The following SIMC1 variants were observed in gnomAD, a reference collection of about 807,000 sequenced individuals.
SIMC1 encodes SUMO interacting motifs containing 1.
Under a neutral mutation model 82.3 loss-of-function variants are expected in SIMC1, and 55 were observed. The ratio of observed to expected loss-of-function variants is 0.67; its 90% CI spans 0.54 to 0.84. The LOEUF is 0.84. Among genes scored for constraint, SIMC1 ranks in the 40% least tolerant of loss-of-function variants. The pLI, the probability that SIMC1 is intolerant of heterozygous loss-of-function variation, is 0.00. For synonymous variants in SIMC1, 353 were observed against 426.3 expected (o/e 0.83, Z 2.12); for missense variants, 915 against 1,107.2 (o/e 0.83, Z 2.46).
chr5:176,296,304 A>G lies in SIMC1; in HGVS notation c.1718A>G (p.Tyr573Cys), dbSNP rs1465447896. The G allele has an allele frequency of 2.5e-6, 4 of 1,613,442 alleles. No homozygotes were observed. Among genetic ancestry groups the G allele is most frequent in the Non-Finnish European group, 2.5e-6 (3 of 1,179,486 alleles). ...GAGTGGGACTGGAAACTGCTCACCT[A>G]TGTCATGGAGGAAGAGGTAACAACA... ...TVEWDWKLLT[Y>C]VMEEEGQTLP... is the part of the protein sequence containing the mutation. Residue 573 changes from tyrosine (Y) to cysteine (C), a missense_variant, in exon 4 of 10, where the codon TAT (tyrosine) becomes TGT (cysteine). By Grantham distance (194) the Tyr-to-Cys change is radical. Coordinates refer to ENST00000429602, the MANE Select transcript of SIMC1 (RefSeq NM_001308195.2).
At chr5:176,322,192 T>C in intron 5 of SIMC1, 81 bp from the exon 6 acceptor site, 2 of 1,458,126 alleles carry the variant, frequency 1.4e-6, no homozygotes, top group Non-Finnish European at 1.8e-6. Flanking sequence ...ACAACAGACA[T>C]GGAAACCTTT....
At chr5:176,296,359 G>A (rs1342250436) in intron 4 of SIMC1, 39 bp downstream of exon 4, 7 of 1,612,632 alleles carry the variant, frequency 4.3e-6, no homozygotes, top group Non-Finnish European at 5.1e-6. Context: ...TGTAGGGGAA[G>A]TTTTAACTAT....
At chr5:176,338,463 G>A (rs1765996685) in intron 9 of SIMC1, among the ~76,000 whole-genome samples, 1 of 152,114 alleles carries the variant, frequency 6.6e-6, no homozygotes, top group South Asian at 2.1e-4. Context: ...AGCAGGGCAA[G>A]GCTGTAGTAC....
Position 176,308,047 on chromosome 5 carries a change from A to G in SIMC1, c.1735-5644A>G, listed in dbSNP as rs181077632. ...GAAATACTATTTAGTAATTAAAAGC[A>G]ATGAGCTGGGCCAAGATGGCAGTGC... On this transcript the variant is annotated intron_variant, in intron 4 of 9. Coordinates refer to ENST00000429602, the MANE Select transcript of SIMC1 (RefSeq NM_001308195.2). The G allele has an allele frequency of 4.3e-6, 3 of 703,042 alleles. No individual in the cohort carries two copies. In the East Asian group the frequency reaches 8.1e-5, roughly 19 times the overall value. 43.6% of individuals were successfully genotyped at this position (703,042 alleles called of 1,614,324 possible). A position where few individuals can be genotyped will look rare whatever the true frequency, so the allele number is the denominator to read the frequency against.
chr5:176,308,199 CA>C, intron 4 of SIMC1: 1 of 1,488,774 alleles, frequency 6.7e-7, no homozygotes, highest in Non-Finnish European at 9.3e-7. Context: ...AACAATGATA[CA>C]AGGAGTGACT....
chr5:176,305,179 G>A (rs1207040312), intron 4 of SIMC1, among the ~76,000 whole-genome samples: 1 of 53,218 alleles, frequency 1.9e-5, no homozygotes, highest in African/African-American at 6.8e-5. Flanking sequence ...CGTGCCGTCC[G>A]GGAGGGAGGT....
At chr5:176,272,456 T>A (rs1018815956) in intron 1 of SIMC1, among the ~76,000 whole-genome samples, 4 of 151,332 alleles carry the variant, frequency 2.6e-5, no homozygotes, top group African/African-American at 7.3e-5. Flanking sequence ...GAAATGTATA[T>A]CGAAATCCTA....
intron 9 of SIMC1, among the ~76,000 whole-genome samples, chr5:176,339,626 C>T (rs183183239): frequency 2.0e-5 from 3 of 152,314 alleles, no homozygotes; most frequent in East Asian, 3.9e-4. Context: ...ATACACCTAT[C>T]ATGGGCAATA....
At chr5:176,281,593 C>A (rs1237767513) in intron 1 of SIMC1, among the ~76,000 whole-genome samples, 1 of 152,104 alleles carries the variant, frequency 6.6e-6, no homozygotes, top group Non-Finnish European at 1.5e-5. Context: ...TGGTGATGTA[C>A]GGATGGGTTT....
At position 176,249,656 on chromosome 5, in the gene SIMC1, T is replaced by C. The variant is rs1581215544; in HGVS notation, c.129+11019T>C. Reference sequence around the variant, plus strand: ...GAGATCGAGACCATCCTGGCTAACATGGTGAAACCCCGTCTCTACTAAAAA... The same window carrying C: ...GAGATCGAGACCATCCTGGCTAACACGGTGAAACCCCGTCTCTACTAAAAA... On this transcript the variant is annotated intron_variant, in intron 1 of 9. Coordinates refer to ENST00000429602, the MANE Select transcript of SIMC1 (RefSeq NM_001308195.2). 2.0e-5 allele frequency among the ~76,000 whole-genome samples: 3 copies of C among 151,968 alleles called. 1 individual carries two copies. Among genetic ancestry groups the C allele is most frequent in the African/African-American group, 4.8e-5 (2 of 41,446 alleles).
At position 176,313,696 on chromosome 5, in the gene SIMC1, A is replaced by G. The variant is rs756918023; in HGVS notation, c.1740A>G (p.Gln580=). The change falls in exon 5 of 10, where the codon CAA becomes CAG. Residue 580 remains glutamine, a synonymous_variant. Coordinates refer to ENST00000429602, the MANE Select transcript of SIMC1 (RefSeq NM_001308195.2). Reference sequence around the variant, plus strand: ...TCTCATTCTTTTTCCCACAGGGACAAACTCTGCCTGGGCGAGTCCTTTTCC... The same window carrying G: ...TCTCATTCTTTTTCCCACAGGGACAGACTCTGCCTGGGCGAGTCCTTTTCC... ...LLTYVMEEEG[Q]TLPGRVLFLR... 2.1e-5 allele frequency: 34 copies of G among 1,613,712 alleles called. No individual in the cohort carries two copies. In the South Asian group the frequency reaches 3.1e-4, roughly 15 times the overall value.
chr5:176,241,586 G>A (rs919099443), intron 1 of SIMC1, among the ~76,000 whole-genome samples: 16 of 151,888 alleles, frequency 1.1e-4, no homozygotes, highest in African/African-American at 3.6e-4. Flanking sequence ...GAAGAACACG[G>A]GGATTAGGGT....
intron 4 of SIMC1, among the ~76,000 whole-genome samples, chr5:176,301,264 CTGA>C (rs1271675842): frequency 6.6e-6 from 1 of 152,088 alleles, no homozygotes; most frequent in Admixed American, 6.6e-5. Context: ...CTCATGAGAT[CTGA>C]TGGTTTTATA....
At chr5:176,321,307 C>A (rs769696917) in intron 5 of SIMC1, among the ~76,000 whole-genome samples, 1 of 151,686 alleles carries the variant, frequency 6.6e-6, no homozygotes, top group Non-Finnish European at 1.5e-5. Context: ...TATTGATAGT[C>A]ATATTCATAC....
chr5:176,345,146 G>A, intron 9 of SIMC1, 37 bp from the exon 10 acceptor site: 1 of 1,594,504 alleles, frequency 6.3e-7, no homozygotes, highest in Non-Finnish European at 8.5e-7. Context: ...TTAAAAAGCA[G>A]TTCAGAGCAC....
At chr5:176,324,091 G>C (rs766941430) in intron 6 of SIMC1, among the ~76,000 whole-genome samples, 2 of 152,060 alleles carry the variant, frequency 1.3e-5, no homozygotes, top group African/African-American at 2.4e-5. Context: ...GCCACATCAG[G>C]CTGGCTCTCT....
At chr5:176,324,540 G>A (rs1005260880) in intron 6 of SIMC1, 89 bp from the exon 7 acceptor site, 5 of 1,368,452 alleles carry the variant, frequency 3.7e-6, no homozygotes, top group Non-Finnish European at 4.0e-6. Flanking sequence ...CTCTACTCTC[G>A]ATGTACACTG....
chr5:176,321,391 C>T (rs572620842), intron 5 of SIMC1, among the ~76,000 whole-genome samples: 2 of 151,434 alleles, frequency 1.3e-5, no homozygotes, highest in East Asian at 1.9e-4. Flanking sequence ...TGCAGTGAGC[C>T]GAGATCGCAC....
chr5:176,316,865 T>C (rs1344740034), intron 5 of SIMC1, among the ~76,000 whole-genome samples: 1 of 152,042 alleles, frequency 6.6e-6, no homozygotes, highest in East Asian at 1.9e-4. Flanking sequence ...TGCACTTCTG[T>C]AATCCCAGCT....
Sources: allele counts gnomAD v4.1 joint callset (sites outside exome capture counted in the v4.1 genomes callset), GRCh38; gene constraint gnomAD v4.1.1; transcripts MANE v1.5; gene names NCBI Gene and HGNC (gene_info 2026-07-23, HGNC 2026-07-21).